Variants in RAB33A observed in about 807,000 individuals in gnomAD.
The protein encoded by RAB33A is RAB33A, member RAS oncogene family, also known as ras-related protein Rab-33A.
A neutral mutation model predicts 12.0 loss-of-function variants in RAB33A; 6 were observed. That is an observed-to-expected ratio of 0.50 (90% CI 0.27 to 0.99). The LOEUF (loss-of-function observed/expected upper bound fraction) is 0.99, where lower values mean the gene tolerates loss of function less well. RAB33A is among the 50% of genes least tolerant of loss of function. RAB33A has a pLI of 0.11. For synonymous variants in RAB33A, 70 were observed against 82.4 expected (o/e 0.85, Z 0.81); for missense variants, 109 against 192.0 (o/e 0.57, Z 2.55).
At chrX:130,135,535 C>T in the RAB33A span, among the ~76,000 whole-genome samples, 1 of 108,230 alleles carries the variant, frequency 9.2e-6, no homozygotes, top group Non-Finnish European at 1.9e-5. Flanking sequence ...ACACAATACA[C>T]TTGTAACTAG....
chrX:130,133,877 C>T, the RAB33A span, among the ~76,000 whole-genome samples: 1 of 109,336 alleles, frequency 9.1e-6, no homozygotes, highest in Non-Finnish European at 1.9e-5. Context: ...AGCAATGTGC[C>T]TGCCTCAGCC....
the RAB33A span, chrX:130,137,340 G>C: frequency 8.6e-7 from 1 of 1,162,336 alleles, no homozygotes; most frequent in Non-Finnish European, 1.1e-6. Context: ...TGGGCATGAG[G>C]GCCTCGGTGC....
At chrX:130,113,556 T>G in the RAB33A span, among the ~76,000 whole-genome samples, 1 of 109,358 alleles carries the variant, frequency 9.1e-6, no homozygotes, top group Non-Finnish European at 1.9e-5. Flanking sequence ...CCCGAGTAAC[T>G]GGGATTATAG....
the RAB33A span, among the ~76,000 whole-genome samples, chrX:130,128,746 G>A: frequency 8.9e-6 from 1 of 111,764 alleles, no homozygotes; most frequent in African/African-American, 3.3e-5. Flanking sequence ...TGTCTGGCAT[G>A]AGGACAGCAG....
At chrX:130,138,193 T>C in the RAB33A span, among the ~76,000 whole-genome samples, 40 of 110,599 alleles carry the variant, frequency 3.6e-4, no homozygotes, top group Middle Eastern at 9.6e-3. Flanking sequence ...AGGCTGGGTG[T>C]GGTGGCTCAC....
the RAB33A span, among the ~76,000 whole-genome samples, chrX:130,122,929 G>A: frequency 9.0e-6 from 1 of 111,440 alleles, no homozygotes; most frequent in Non-Finnish European, 1.9e-5. Context: ...AGGGGTCCCA[G>A]GTCCAAATGT....
At chrX:130,166,377 A>T in the RAB33A span, among the ~76,000 whole-genome samples, 1 of 111,533 alleles carries the variant, frequency 9.0e-6, no homozygotes, top group Non-Finnish European at 1.9e-5. Context: ...TGTGTGTCCT[A>T]GATGCTGTAT....
chrX:130,162,358 T>G, the RAB33A span, among the ~76,000 whole-genome samples: 1 of 111,938 alleles, frequency 8.9e-6, no homozygotes, highest in East Asian at 2.8e-4. Flanking sequence ...CATATGAATG[T>G]CAAGGGGCTT....
At chrX:130,173,918 C>T (rs1203137347) in intron 1 of RAB33A, among the ~76,000 whole-genome samples, 3 of 111,900 alleles carry the variant, frequency 2.7e-5, no homozygotes, top group Non-Finnish European at 5.6e-5. Context: ...TGCTTAAAAT[C>T]AAGTGCTACA....
chrX:130,166,748 C>A, the RAB33A span, among the ~76,000 whole-genome samples: 3 of 112,035 alleles, frequency 2.7e-5, no homozygotes, highest in African/African-American at 6.5e-5. Context: ...TTACCCCTCA[C>A]AATGGTTCGA....
At chrX:130,165,829 G>A in the RAB33A span, 6 of 503,629 alleles carry the variant, frequency 1.2e-5, no homozygotes, top group South Asian at 1.1e-4. Flanking sequence ...TGCTAGAGCC[G>A]GGGAAGGGGA....
the RAB33A span, among the ~76,000 whole-genome samples, chrX:130,161,974 C>G: frequency 8.9e-6 from 1 of 111,855 alleles, no homozygotes; most frequent in African/African-American, 3.2e-5. Context: ...GTAGTAATAA[C>G]TATAGTACAG....
the RAB33A span, among the ~76,000 whole-genome samples, chrX:130,113,072 TC>T: frequency 5.7e-3 from 461 of 80,401 alleles, no homozygotes; most frequent in Non-Finnish European, 9.2e-3. Context: ...TTTTTTTTTT[TC>T]CTTCTTTTTT....
At chrX:130,119,275 G>A in the RAB33A span, among the ~76,000 whole-genome samples, 4 of 111,845 alleles carry the variant, frequency 3.6e-5, no homozygotes, top group Admixed American at 9.5e-5. Context: ...CATCTCTGCA[G>A]CCTTAACTTG....
In RAB33A at chrX:130,172,051, G is replaced by C. The variant is rs1215932721; in HGVS notation, c.-12G>C. 5 of 1,198,683 alleles carry C rather than the reference G, an allele frequency of 4.2e-6. No homozygotes were observed. Among genetic ancestry groups the C allele is most frequent in the South Asian group, 1.8e-5 (1 of 55,653 alleles). On this transcript the variant is annotated 5_prime_UTR_variant, in exon 1 of 2. Transcript: ENST00000257017. ...TCAAGGGGGGTTGGGGCCCCGGTTCGGTCCGGGGGAGATGGCGCAGCCCAT... is the reference window on the plus strand; with the variant it reads ...TCAAGGGGGGTTGGGGCCCCGGTTCCGTCCGGGGGAGATGGCGCAGCCCAT...
chrX:130,131,000 CCTT>C, the RAB33A span, among the ~76,000 whole-genome samples: 13 of 112,539 alleles, frequency 1.2e-4, no homozygotes, highest in African/African-American at 4.2e-4. Context: ...CTTGCTTTCT[CCTT>C]CTTAAACAGC....
intron 1 of RAB33A, among the ~76,000 whole-genome samples, chrX:130,178,371 A>G (rs2031685186): frequency 2.8e-5 from 3 of 106,294 alleles, no homozygotes; most frequent in Admixed American, 1.0e-4. Flanking sequence ...GCTCACACCT[A>G]GAGTCCCAGC....
the RAB33A span, among the ~76,000 whole-genome samples, chrX:130,142,415 T>C: frequency 9.0e-6 from 1 of 111,414 alleles, no homozygotes; most frequent in Non-Finnish European, 1.9e-5. Flanking sequence ...TTCTATTGTA[T>C]TGCAAAAACA....
the RAB33A span, among the ~76,000 whole-genome samples, chrX:130,124,500 C>T: frequency 4.5e-5 from 5 of 111,765 alleles, no homozygotes; most frequent in African/African-American, 1.6e-4. Flanking sequence ...TTTCCCCAAC[C>T]GAAACACAGA....
Sources: allele counts gnomAD v4.1 joint callset (sites outside exome capture counted in the v4.1 genomes callset), GRCh38; gene constraint gnomAD v4.1.1; transcripts MANE v1.5; gene names NCBI Gene and HGNC (gene_info 2026-07-23, HGNC 2026-07-21).